LRRC1: variants seen among roughly 807,000 people sequenced by gnomAD.
LRRC1 encodes leucine rich repeat containing 1, also known as leucine-rich repeat-containing protein 1.
LRRC1 carries 28 observed loss-of-function variants against 69.9 expected under a neutral mutation model. The ratio of observed to expected loss-of-function variants is 0.40; its 90% CI spans 0.30 to 0.55. The LOEUF is 0.55. LRRC1 is among the 20% of genes least tolerant of loss of function. LRRC1 has a pLI of 0.47. For missense variants in LRRC1, 498 were observed against 609.0 expected, an observed-to-expected ratio of 0.82 and a Z score of 1.92; for synonymous variants, 236 against 240.2, an observed-to-expected ratio of 0.98 and a Z score of 0.16.
At chr6:53,889,332 T>G (rs1435439995) in intron 4 of LRRC1, among the ~76,000 whole-genome samples, 1 of 152,110 alleles carries the variant, frequency 6.6e-6, no homozygotes, top group African/African-American at 2.4e-5. Flanking sequence ...AGTTACCATG[T>G]GACCTAGCAA....
chr6:53,910,027 A>G (rs1424423336), intron 10 of LRRC1, among the ~76,000 whole-genome samples: 2 of 152,148 alleles, frequency 1.3e-5, no homozygotes, highest in Non-Finnish European at 2.9e-5. Flanking sequence ...CCTGCAGGCA[A>G]TTAATACCTA....
At chr6:53,838,014 C>A (rs974581474) in intron 1 of LRRC1, among the ~76,000 whole-genome samples, 1 of 152,172 alleles carries the variant, frequency 6.6e-6, no homozygotes, top group African/African-American at 2.4e-5. Context: ...GGTTGCACTG[C>A]ACTGAGGCTT....
At chr6:53,892,424 GATAA>G (rs1767735271) in intron 4 of LRRC1, among the ~76,000 whole-genome samples, 1 of 152,132 alleles carries the variant, frequency 6.6e-6, no homozygotes, top group Non-Finnish European at 1.5e-5. Context: ...TGAAATAGTG[GATAA>G]AGGCCTGTGG....
chr6:53,883,656 G>A (rs542787597), intron 4 of LRRC1, among the ~76,000 whole-genome samples: 3 of 152,284 alleles, frequency 2.0e-5, no homozygotes, highest in Non-Finnish European at 2.9e-5. Flanking sequence ...ACTTTTTCAG[G>A]ACATACAGTA....
At chr6:53,821,562 GGT>G (rs1324322659) in intron 1 of LRRC1, among the ~76,000 whole-genome samples, 1 of 152,162 alleles carries the variant, frequency 6.6e-6, no homozygotes, top group Admixed American at 6.5e-5. Flanking sequence ...TGCACAATGA[GGT>G]GTGCGTGATT....
chr6:53,811,604 C>T (rs1388706524), intron 1 of LRRC1, among the ~76,000 whole-genome samples: 3 of 152,208 alleles, frequency 2.0e-5, no homozygotes, highest in Non-Finnish European at 2.9e-5. Context: ...AATAGCAGCT[C>T]TTTATTAGCT....
intron 2 of LRRC1, among the ~76,000 whole-genome samples, chr6:53,859,313 A>G (rs1005171512): frequency 1.3e-5 from 2 of 152,214 alleles, no homozygotes; most frequent in Non-Finnish European, 2.9e-5. Flanking sequence ...GGAACCACCT[A>G]TATAGAATTC....
At position 53,897,338 on chromosome 6, in the gene LRRC1, T is replaced by C. The variant is rs749262411; in HGVS notation, c.621T>C (p.Asn207=). ...LHLKDLWLDG[N]QLSELPQEIG... ...TAAAAGATCTCTGGTTGGATGGAAA[T>C]CAACTGTCAGAATTACCTCAGGTAA... The change falls in exon 7 of 14, where the codon AAT becomes AAC. Residue 207 remains asparagine, a synonymous_variant. Transcript: ENST00000370888. The C allele has an allele frequency of 1.2e-6, 2 of 1,612,226 alleles. No homozygotes were observed. Among genetic ancestry groups the C allele is most frequent in the Non-Finnish European group, 8.5e-7 (1 of 1,178,576 alleles).
At chr6:53,824,122 T>C (rs1488044150) in intron 1 of LRRC1, among the ~76,000 whole-genome samples, 1 of 150,992 alleles carries the variant, frequency 6.6e-6, no homozygotes, top group Admixed American at 6.6e-5. Flanking sequence ...GTTTAAGTGT[T>C]CCTTTTTTTT....
intron 9 of LRRC1, among the ~76,000 whole-genome samples, chr6:53,903,626 T>C (rs1768138018): frequency 6.6e-6 from 1 of 151,992 alleles, no homozygotes; most frequent in Non-Finnish European, 1.5e-5. Flanking sequence ...GTAAGTAATG[T>C]TCTTTAGGTG....
At chr6:53,856,745 G>T (rs1236314740) in intron 2 of LRRC1, among the ~76,000 whole-genome samples, 1 of 152,014 alleles carries the variant, frequency 6.6e-6, no homozygotes, top group African/African-American at 2.4e-5. Context: ...ATCATGAAAG[G>T]GTTTCAGGCA....
intron 2 of LRRC1, among the ~76,000 whole-genome samples, chr6:53,875,425 T>C (rs1767032841): frequency 6.6e-6 from 1 of 151,116 alleles, no homozygotes. Flanking sequence ...TTGTGAAATA[T>C]AATCTATTTA....
chr6:53,828,866 G>C (rs187347089), intron 1 of LRRC1, among the ~76,000 whole-genome samples: 1 of 152,272 alleles, frequency 6.6e-6, no homozygotes, highest in East Asian at 1.9e-4. Context: ...CATCCTACCA[G>C]TACACTCCAA....
At chr6:53,870,802 C>G (rs1465545171) in intron 2 of LRRC1, among the ~76,000 whole-genome samples, 3 of 152,290 alleles carry the variant, frequency 2.0e-5, no homozygotes, top group Non-Finnish European at 4.4e-5. Context: ...CCCCACTACC[C>G]TTCCTAGGCT....
intron 1 of LRRC1, among the ~76,000 whole-genome samples, chr6:53,821,356 T>C (rs1765110522): frequency 6.6e-6 from 1 of 152,256 alleles, no homozygotes; most frequent in Non-Finnish European, 1.5e-5. Flanking sequence ...TTATAGGTTA[T>C]ATTTTATTAC....
At chr6:53,844,947 G>A (rs974784100) in intron 2 of LRRC1, among the ~76,000 whole-genome samples, 4 of 152,208 alleles carry the variant, frequency 2.6e-5, no homozygotes, top group African/African-American at 7.2e-5. Context: ...GCTCACGCCT[G>A]TAATCCCGGC....
At chr6:53,808,299 T>C (rs1764693806) in intron 1 of LRRC1, among the ~76,000 whole-genome samples, 2 of 151,900 alleles carry the variant, frequency 1.3e-5, no homozygotes, top group South Asian at 4.2e-4. Flanking sequence ...TTTGGTTGTA[T>C]TGATGGGGAG....
intron 1 of LRRC1, among the ~76,000 whole-genome samples, chr6:53,800,131 A>T (rs1477544028): frequency 2.0e-5 from 3 of 152,100 alleles, no homozygotes; most frequent in Admixed American, 2.0e-4. Context: ...TTATAGAGTT[A>T]TTAAAGACTA....
chr6:53,879,220 T>C, intron 3 of LRRC1, 149 bp downstream of exon 3: 1 of 610,062 alleles, frequency 1.6e-6, no homozygotes, highest in East Asian at 2.8e-5. Flanking sequence ...AGATATTTCT[T>C]TATAAATAGC....
Sources: gnomAD v4.1 joint callset for allele counts (sites outside exome capture counted in the v4.1 genomes callset) on GRCh38, gnomAD v4.1.1 for gene constraint, MANE v1.5 for transcripts, NCBI Gene and HGNC (gene_info 2026-07-23, HGNC 2026-07-21) for gene names.